Variants in TXNDC11 observed in about 807,000 individuals in gnomAD.
TXNDC11 encodes thioredoxin domain containing 11.
Under a neutral mutation model 78.0 loss-of-function variants are expected in TXNDC11, and 68 were observed. The ratio of observed to expected loss-of-function variants is 0.87; its 90% CI spans 0.72 to 1.07. TXNDC11 has a LOEUF of 1.07. TXNDC11 is among the 50% of genes least tolerant of loss of function. The pLI is 0.00. For missense variants in TXNDC11, 1,389 were observed against 1,221.8 expected (o/e 1.14, Z -2.04); for synonymous variants, 571 against 495.2 (o/e 1.15, Z -2.03).
Position 11,742,344 on chromosome 16 carries a change from G to A in TXNDC11, c.254+133C>T, listed in dbSNP as rs1309740987. On this transcript the variant is annotated intron_variant, in intron 1 of 11. Transcript: ENST00000283033. ...GGGAAGCCGTGGCCGCAGGTTCCGG[G>A]AGGGGTCAGCCGTCCTGGGCAAGGT... 1.2e-5 allele frequency: 8 copies of A among 657,348 alleles called. No individual in the cohort carries two copies. The East Asian group carries it at 2.1e-4, about 17-fold the overall frequency. 40.7% of individuals were successfully genotyped at this position (657,348 alleles called of 1,614,324 possible). A position where few individuals can be genotyped will look rare whatever the true frequency, so the allele number is the denominator to read the frequency against.
chr16:11,721,812 G>A (rs2051716280), intron 4 of TXNDC11, 142 bp from the exon 5 acceptor site: 1 of 506,920 alleles, frequency 2.0e-6, no homozygotes, highest in Admixed American at 3.4e-5. Flanking sequence ...CTAAGCACAT[G>A]ATAAAAATTT....
intron 5 of TXNDC11, among the ~76,000 whole-genome samples, chr16:11,701,168 G>A (rs1318686455): frequency 7.9e-5 from 9 of 114,482 alleles, no homozygotes; most frequent in East Asian, 2.5e-4. Context: ...ATGGAGTCTC[G>A]CTCTGTGGCC....
Position 11,698,242 on chromosome 16 carries a change from C to A in TXNDC11, c.990G>T (p.Trp330Cys). The A allele has an allele frequency of 6.2e-7, 1 of 1,614,216 alleles. No homozygotes were observed. The highest frequency in any genetic ancestry group is 8.5e-7 in the Non-Finnish European group (1 of 1,180,024). Reference sequence around the variant, plus strand: ...GACTCTTGCCTCCGTGTGGCCGCAGCCACCGAAAGAGCGTCTCCTGGTTTT... The same window carrying A: ...GACTCTTGCCTCCGTGTGGCCGCAGACACCGAAAGAGCGTCTCCTGGTTTT... Reference protein sequence around the residue: ...ALENQETLFRWLRPHGGKSLL... With the variant: ...ALENQETLFRCLRPHGGKSLL... The change falls in exon 7 of 12, where the codon TGG (tryptophan) becomes TGT (cysteine). Residue 330 changes from tryptophan (W) to cysteine (C), a missense_variant. Trp to Cys is a radical substitution (Grantham distance 215, BLOSUM62 -2). Coordinates refer to ENST00000283033, the MANE Select transcript of TXNDC11 (RefSeq NM_015914.7).
chr16:11,688,317 C>T lies in TXNDC11; in HGVS notation c.2029G>A (p.Val677Ile). ...EVTTDTFWEV[V>I]LQKQDVLLLY... is the part of the protein sequence containing the mutation. ...TGACTCCATACCTGTTTTTGAAGGA[C>T]TACTTCCCAAAAGGTATCAGTTGTC... Residue 677 changes from valine to isoleucine, a missense_variant, in exon 9 of 12, where the codon GTC becomes ATC. Transcript: ENST00000283033. 6.2e-7 allele frequency: 1 copy of T among 1,613,754 alleles called. No homozygotes were observed. Among genetic ancestry groups the T allele is most frequent in the Non-Finnish European group, 8.5e-7 (1 of 1,179,894 alleles).
chr16:11,709,011 T>C (rs1300732903), intron 5 of TXNDC11, among the ~76,000 whole-genome samples: 5 of 152,192 alleles, frequency 3.3e-5, no homozygotes, highest in African/African-American at 1.2e-4. Context: ...CAATAAAGTG[T>C]CCATTAAAAT....
At chr16:11,693,127 C>T (rs1364188728) in intron 7 of TXNDC11, among the ~76,000 whole-genome samples, 1 of 152,154 alleles carries the variant, frequency 6.6e-6, no homozygotes, top group Non-Finnish European at 1.5e-5. Context: ...ATCCCCGGGG[C>T]CTAGCACAGG....
At chr16:11,740,103 G>A (rs2052348182) in intron 1 of TXNDC11, among the ~76,000 whole-genome samples, 1 of 147,526 alleles carries the variant, frequency 6.8e-6, no homozygotes, top group Non-Finnish European at 1.5e-5. Flanking sequence ...TGAGGCAGGA[G>A]AATCACTTGA....
At chr16:11,694,188 C>T (rs2050796540) in intron 7 of TXNDC11, among the ~76,000 whole-genome samples, 1 of 146,982 alleles carries the variant, frequency 6.8e-6, no homozygotes, top group African/African-American at 2.6e-5. Context: ...CAGCTCACTG[C>T]AACCTCCCAC....
At chr16:11,681,830 C>T (rs1202644113) in intron 11 of TXNDC11, among the ~76,000 whole-genome samples, 1 of 152,228 alleles carries the variant, frequency 6.6e-6, no homozygotes, top group African/African-American at 2.4e-5. Context: ...CAAGGCCCCA[C>T]CCCTTCCTCT....
chr16:11,679,294 C>T lies in TXNDC11; in HGVS notation c.2778G>A (p.Glu926=), dbSNP rs570394858. 6 of 1,612,754 alleles carry T rather than the reference C, an allele frequency of 3.7e-6. No homozygotes were observed. The highest frequency in any genetic ancestry group is 1.3e-5 in the African/African-American group (1 of 75,012). Residue 926 remains glutamate (E), a synonymous_variant, in exon 12 of 12, where the codon GAG becomes GAA. Coordinates refer to ENST00000283033, the MANE Select transcript of TXNDC11 (RefSeq NM_015914.7). The surrounding 1 kb of genome is among the most constrained non-coding windows in gnomAD (Gnocchi z 4.6). ...AQREVHPKQP[E]PSATPQLPGS... is the part of the protein sequence containing the mutation. ...CAGGGAGCTGGGGGGTGGCTGAGGG[C>T]TCAGGCTGCTTGGGGTGGACCTCTC...
intron 5 of TXNDC11, among the ~76,000 whole-genome samples, chr16:11,708,528 T>C (rs1156881864): frequency 4.6e-5 from 7 of 152,168 alleles, no homozygotes; most frequent in Non-Finnish European, 8.8e-5. Context: ...ATTCCTTACA[T>C]TAGGGAAGGT....
rs1205084481 is a variant in TXNDC11, at chr16:11,695,506, T to A, written c.1107+2619A>T. ...CTTTCGTGGTCAACAAGCTAATGAA[T>A]TTACAGCTCATCTTGCGTAAGTACA... On this transcript the variant is annotated intron_variant, in intron 7 of 11. Coordinates refer to ENST00000283033, the MANE Select transcript of TXNDC11 (RefSeq NM_015914.7). Among the ~76,000 whole-genome samples, 12 of 152,180 alleles carry A rather than the reference T, an allele frequency of 7.9e-5. 1 individual carries two copies.
chr16:11,689,634 CTTCT>C (rs2050657563), intron 8 of TXNDC11, among the ~76,000 whole-genome samples: 1 of 152,128 alleles, frequency 6.6e-6, no homozygotes, highest in Non-Finnish European at 1.5e-5. Flanking sequence ...CTAAAGAAGG[CTTCT>C]TTCAATTACC....
At chr16:11,699,646 G>C (rs2050955133) in intron 6 of TXNDC11, among the ~76,000 whole-genome samples, 1 of 152,262 alleles carries the variant, frequency 6.6e-6, no homozygotes, top group South Asian at 2.1e-4. Flanking sequence ...TGGCAAGCAA[G>C]GGGGCACCCC....
In TXNDC11 at chr16:11,742,497, G is replaced by T. The variant is rs186538335; in HGVS notation, c.234C>A (p.Leu78=). The change falls in exon 1 of 12, where the codon CTC becomes CTA. Residue 78 remains leucine, a synonymous_variant. Transcript: ENST00000283033. ...GAVALGCALL[L]ALKFTCSRAK... ...CTCACCTGCAGGTGAACTTGAGGGCGAGGAGCAGCGCGCAGCCGAGCGCCA... is the reference window on the plus strand; with the variant it reads ...CTCACCTGCAGGTGAACTTGAGGGCTAGGAGCAGCGCGCAGCCGAGCGCCA... 6.9e-7 allele frequency: 1 copy of T among 1,452,884 alleles called. No individual in the cohort carries two copies. Among genetic ancestry groups the T allele is most frequent in the Non-Finnish European group, 9.0e-7 (1 of 1,111,014 alleles). 90.0% of individuals were successfully genotyped at this position (1,452,884 alleles called of 1,614,324 possible).
chr16:11,709,925 TC>T (rs2051294289), intron 5 of TXNDC11, among the ~76,000 whole-genome samples: 1 of 152,130 alleles, frequency 6.6e-6, no homozygotes, highest in African/African-American at 2.4e-5. Context: ...ATTAAAATGA[TC>T]AATTCAGGCC....
At chr16:11,702,075 T>G (rs953755160) in intron 5 of TXNDC11, among the ~76,000 whole-genome samples, 3 of 146,198 alleles carry the variant, frequency 2.1e-5, no homozygotes, top group Non-Finnish European at 4.5e-5. Context: ...TATGTGTGTG[T>G]GTGTATGTAT....
At chr16:11,706,936 G>A (rs925352686) in intron 5 of TXNDC11, among the ~76,000 whole-genome samples, 1 of 151,974 alleles carries the variant, frequency 6.6e-6, no homozygotes, top group Non-Finnish European at 1.5e-5. Flanking sequence ...CCAAAATACA[G>A]TATTTGCAGA....
chr16:11,690,701 C>A (rs2050690982), intron 8 of TXNDC11: 2 of 152,686 alleles, frequency 1.3e-5, no homozygotes, highest in Non-Finnish European at 2.9e-5. Flanking sequence ...TACAGGCGCC[C>A]GCCAACGCGC....
Sources: gnomAD v4.1 joint callset for allele counts (sites outside exome capture counted in the v4.1 genomes callset) on GRCh38, gnomAD v4.1.1 for gene constraint, Gnocchi (gnomAD v3.1) non-coding constraint, MANE v1.5 for transcripts, NCBI Gene and HGNC (gene_info 2026-07-23, HGNC 2026-07-21) for gene names.